The following B3GLCT variants were observed in gnomAD, a reference collection of about 807,000 sequenced individuals.
B3GLCT encodes beta 3-glucosyltransferase.
A neutral mutation model predicts 63.4 loss-of-function variants in B3GLCT; 65 were observed. The ratio of observed to expected loss-of-function variants is 1.03; its 90% CI spans 0.84 to 1.26. The LOEUF is 1.26. Ranked by LOEUF, B3GLCT falls within the 50% of genes most tolerant of loss-of-function variation. B3GLCT has a pLI of 0.00. For synonymous variants in B3GLCT, 233 were observed against 219.2 expected (o/e 1.06, Z -0.55); for missense variants, 577 against 604.8 (o/e 0.95, Z 0.48).
chr13:31,275,568 C>G (rs568998097), intron 9 of B3GLCT, among the ~76,000 whole-genome samples: 1 of 152,218 alleles, frequency 6.6e-6, no homozygotes, highest in African/African-American at 2.4e-5. Context: ...TGCCTTTCAT[C>G]TCAATGACAG....
At chr13:31,256,881 C>G (rs1025454521) in intron 6 of B3GLCT, among the ~76,000 whole-genome samples, 2 of 150,614 alleles carry the variant, frequency 1.3e-5, no homozygotes, top group Non-Finnish European at 2.9e-5. Flanking sequence ...TGTAACAAAA[C>G]TGTGCTTTCT....
chr13:31,277,424 A>G (rs901410275), intron 10 of B3GLCT, among the ~76,000 whole-genome samples: 1 of 152,038 alleles, frequency 6.6e-6, no homozygotes, highest in Non-Finnish European at 1.5e-5. Flanking sequence ...ATAAATAGAC[A>G]TAATTTCTCT....
At chr13:31,244,460 A>C (rs560162546) in intron 4 of B3GLCT, among the ~76,000 whole-genome samples, 1 of 152,262 alleles carries the variant, frequency 6.6e-6, no homozygotes, top group Admixed American at 6.5e-5. Flanking sequence ...CCATTGCACT[A>C]CAGCCTGGGT....
intron 12 of B3GLCT, among the ~76,000 whole-genome samples, chr13:31,288,955 T>C (rs569011817): frequency 7.9e-5 from 12 of 152,088 alleles, no homozygotes; most frequent in African/African-American, 2.9e-4. Flanking sequence ...AAGAACCTCA[T>C]TGAGGTACAA....
chr13:31,200,917 G>A (rs1868630321), intron 1 of B3GLCT, among the ~76,000 whole-genome samples: 1 of 152,052 alleles, frequency 6.6e-6, no homozygotes, highest in South Asian at 2.1e-4. Flanking sequence ...GTGCTTGCCC[G>A]GTCTCCTGCT....
intron 4 of B3GLCT, among the ~76,000 whole-genome samples, chr13:31,233,904 T>G (rs1218829564): frequency 6.6e-6 from 1 of 152,222 alleles, no homozygotes; most frequent in African/African-American, 2.4e-5. Context: ...GAAGACATAC[T>G]ACGGGCAAAG....
intron 10 of B3GLCT, among the ~76,000 whole-genome samples, chr13:31,277,098 C>A (rs1872832104): frequency 6.6e-6 from 1 of 152,156 alleles, no homozygotes; most frequent in East Asian, 1.9e-4. Flanking sequence ...TGTATTAGGT[C>A]TGTGCGCAGT....
intron 14 of B3GLCT, 101 bp downstream of exon 14, chr13:31,323,996 C>A: frequency 1.4e-6 from 2 of 1,430,674 alleles, no homozygotes; most frequent in Non-Finnish European, 2.0e-6. Context: ...GGGAAACAGA[C>A]TAAGAACTGT....
At chr13:31,220,101 A>C (rs1033280222) in intron 2 of B3GLCT, among the ~76,000 whole-genome samples, 2 of 152,174 alleles carry the variant, frequency 1.3e-5, no homozygotes. Flanking sequence ...TGTAATCATG[A>C]ACACATCTCA....
chr13:31,266,052 T>G (rs558944720), intron 7 of B3GLCT, among the ~76,000 whole-genome samples: 10 of 151,878 alleles, frequency 6.6e-5, no homozygotes, highest in African/African-American at 2.4e-4. Context: ...CAGGCTGGAG[T>G]ACAGTGGCGC....
intron 4 of B3GLCT, among the ~76,000 whole-genome samples, chr13:31,245,878 A>G (rs1358613514): frequency 1.3e-5 from 2 of 152,166 alleles, no homozygotes; most frequent in Non-Finnish European, 2.9e-5. Flanking sequence ...CTGCTAATTC[A>G]GCCTTAAGGT....
intron 1 of B3GLCT, among the ~76,000 whole-genome samples, chr13:31,204,374 C>A (rs1329955378): frequency 6.6e-6 from 1 of 152,116 alleles, no homozygotes. Context: ...AATTAATTAT[C>A]GGATCCAAAA....
intron 1 of B3GLCT, among the ~76,000 whole-genome samples, chr13:31,210,813 T>C (rs1403059247): frequency 1.3e-5 from 2 of 152,178 alleles, no homozygotes; most frequent in South Asian, 2.1e-4. Context: ...GGCATGATCA[T>C]AGTTTACTGC....
chr13:31,323,672 T>C, intron 13 of B3GLCT, 79 bp from the exon 14 acceptor site: 2 of 1,547,252 alleles, frequency 1.3e-6, no homozygotes, highest in Non-Finnish European at 1.8e-6. Flanking sequence ...AGTAAAGTCC[T>C]GTTTCCCGGG....
chr13:31,206,673 G>C (rs1868972963), intron 1 of B3GLCT, among the ~76,000 whole-genome samples: 1 of 150,638 alleles, frequency 6.6e-6, no homozygotes, highest in Non-Finnish European at 1.5e-5. Flanking sequence ...AGAATCGGAG[G>C]TTGCAGTGAG....
chr13:31,316,365 G>A (rs1875009830), intron 12 of B3GLCT, among the ~76,000 whole-genome samples: 2 of 136,486 alleles, frequency 1.5e-5, no homozygotes, highest in Admixed American at 8.0e-5. Flanking sequence ...GCATCAGCAT[G>A]TCCTGGATGT....
chr13:31,258,711 T>G (rs781001631), intron 6 of B3GLCT, among the ~76,000 whole-genome samples: 14 of 152,234 alleles, frequency 9.2e-5, no homozygotes, highest in African/African-American at 3.4e-4. Context: ...GCCAGCTGCT[T>G]TTAGGATATT....
At chr13:31,258,352 C>G (rs1022939618) in intron 6 of B3GLCT, among the ~76,000 whole-genome samples, 4 of 152,164 alleles carry the variant, frequency 2.6e-5, no homozygotes, top group African/African-American at 9.7e-5. Context: ...ATTGGTTCAT[C>G]TTTTTTTCTT....
chr13:31,277,128 T>C (rs1053194663), intron 10 of B3GLCT, among the ~76,000 whole-genome samples: 1 of 152,178 alleles, frequency 6.6e-6, no homozygotes, highest in African/African-American at 2.4e-5. Flanking sequence ...GGATGAAGAA[T>C]GTCAGGGGAT....
Sources: allele counts gnomAD v4.1 joint callset (sites outside exome capture counted in the v4.1 genomes callset), GRCh38; gene constraint gnomAD v4.1.1; transcripts MANE v1.5; gene names NCBI Gene and HGNC (gene_info 2026-07-23, HGNC 2026-07-21).